The following DGLUCY variants were observed in gnomAD, a reference collection of about 807,000 sequenced individuals.
DGLUCY encodes D-glutamate cyclase.
A neutral mutation model predicts 58.5 loss-of-function variants in DGLUCY; 58 were observed. The ratio of observed to expected loss-of-function variants is 0.99; its 90% confidence interval spans 0.80 to 1.23. The LOEUF (loss-of-function observed/expected upper bound fraction) is 1.23. Ranked by LOEUF, DGLUCY falls within the 50% of genes most tolerant of loss-of-function variation. The pLI is 0.00. For synonymous variants in DGLUCY, 325 were observed against 314.1 expected, an observed-to-expected ratio of 1.03 and a Z score of -0.37; for missense variants, 779 against 784.7, an observed-to-expected ratio of 0.99 and a Z score of 0.09.
At chr14:91,136,412 AT>A (rs1221967919) in intron 1 of DGLUCY, among the ~76,000 whole-genome samples, 1 of 152,028 alleles carries the variant, frequency 6.6e-6, no homozygotes, top group Non-Finnish European at 1.5e-5. Context: ...GCCAGGCGCT[AT>A]GGCTCACACC....
chr14:91,070,334 C>T (rs2043894647), intron 1 of DGLUCY, among the ~76,000 whole-genome samples: 1 of 152,126 alleles, frequency 6.6e-6, no homozygotes. Context: ...GGCCTTGGCA[C>T]CTCCTGAGAG....
intron 11 of DGLUCY, among the ~76,000 whole-genome samples, chr14:91,203,894 C>T (rs1184372852): frequency 6.6e-6 from 1 of 152,138 alleles, no homozygotes; most frequent in Non-Finnish European, 1.5e-5. Context: ...CCAGACTGGT[C>T]TCGAACTCCT....
chr14:91,115,493 A>G (rs2044874268), intron 1 of DGLUCY, among the ~76,000 whole-genome samples: 1 of 151,976 alleles, frequency 6.6e-6, no homozygotes. Context: ...GTGTGATCTC[A>G]GCTCACTGCA....
intron 5 of DGLUCY, among the ~76,000 whole-genome samples, chr14:91,173,015 G>A (rs1334757324): frequency 6.6e-6 from 1 of 152,116 alleles, no homozygotes; most frequent in Non-Finnish European, 1.5e-5. Flanking sequence ...GCATTTTCTT[G>A]TATGCAGTTA....
chr14:91,103,225 C>T (rs2044525149), upstream of DGLUCY, among the ~76,000 whole-genome samples: 1 of 152,180 alleles, frequency 6.6e-6, no homozygotes, highest in Non-Finnish European at 1.5e-5. Flanking sequence ...CTCCATGCTG[C>T]TCCCAGAGCA....
In DGLUCY at chr14:91,196,462, C is replaced by T. The variant is rs367665781; in HGVS notation, c.1283C>T (p.Pro428Leu). Reference sequence around the variant, plus strand: ...GCATTCCTGTGCAAAAATGGGGACCCGCAGACACCTAGGTACGTATGTCGC... The same window carrying T: ...GCATTCCTGTGCAAAAATGGGGACCTGCAGACACCTAGGTACGTATGTCGC... ...AQAFLCKNGD[P>L]QTPRFDHLVA... The change falls in exon 10 of 14, where the codon CCG becomes CTG. Residue 428 changes from proline (P) to leucine (L), a missense_variant. By Grantham distance (98) the Pro-to-Leu change is moderately conservative. Coordinates refer to ENST00000256324, the MANE Select transcript of DGLUCY (RefSeq NM_001102368.3). 8.7e-6 allele frequency: 14 copies of T among 1,613,786 alleles called. No homozygotes were observed. Among genetic ancestry groups the T allele is most frequent in the African/African-American group, 4.0e-5 (3 of 74,898 alleles).
chr14:91,138,745 A>G (rs1391335132), intron 1 of DGLUCY, among the ~76,000 whole-genome samples: 1 of 152,132 alleles, frequency 6.6e-6, no homozygotes, highest in African/African-American at 2.4e-5. Flanking sequence ...AACTACCCCC[A>G]TGGCCCAGTC....
At chr14:91,127,053 C>CTT (rs11407228) in intron 1 of DGLUCY, among the ~76,000 whole-genome samples, 14,293 of 98,178 alleles carry the variant, frequency 0.15, 1,679 homozygotes, top group Admixed American at 0.17. Context: ...TGATGATACT[C>CTT]TTTTTTTTTT....
chr14:91,097,968 T>A (rs1284751401), intron 1 of DGLUCY, among the ~76,000 whole-genome samples: 1 of 152,132 alleles, frequency 6.6e-6, no homozygotes, highest in Non-Finnish European at 1.5e-5. Flanking sequence ...GAGAAAAAAA[T>A]CCTAGTTTGT....
intron 12 of DGLUCY, among the ~76,000 whole-genome samples, chr14:91,212,383 CTG>C (rs1885824196): frequency 6.6e-6 from 1 of 152,154 alleles, no homozygotes; most frequent in East Asian, 1.9e-4. Context: ...AGTGGCATCT[CTG>C]TGTCTGTTTC....
At chr14:91,086,049 G>A (rs1039352050) in intron 1 of DGLUCY, among the ~76,000 whole-genome samples, 6 of 152,148 alleles carry the variant, frequency 3.9e-5, no homozygotes, top group African/African-American at 7.2e-5. Flanking sequence ...GGTGGCATTC[G>A]ATTCTCAGGG....
chr14:91,209,930 G>T (rs1474827582), intron 12 of DGLUCY, among the ~76,000 whole-genome samples: 2 of 152,150 alleles, frequency 1.3e-5, no homozygotes, highest in Non-Finnish European at 2.9e-5. Flanking sequence ...TCAGAACAGG[G>T]AAAGTTATCA....
intron 1 of DGLUCY, among the ~76,000 whole-genome samples, chr14:91,122,602 GTTTTTTTT>G (rs60627604): frequency 9.5e-6 from 1 of 104,816 alleles, no homozygotes; most frequent in Non-Finnish European, 1.8e-5. Context: ...AAAGAAAAAA[GTTTTTTTT>G]TTTTTTTTTT....
At chr14:91,136,805 A>G (rs984063787) in intron 1 of DGLUCY, among the ~76,000 whole-genome samples, 2 of 150,916 alleles carry the variant, frequency 1.3e-5, no homozygotes, top group Non-Finnish European at 2.9e-5. Context: ...TCCATCTCTA[A>G]CTAAAAATAC....
intron 13 of DGLUCY, among the ~76,000 whole-genome samples, chr14:91,221,026 G>T (rs1887398476): frequency 6.6e-6 from 1 of 152,246 alleles, no homozygotes; most frequent in Non-Finnish European, 1.5e-5. Context: ...GAACACAGCA[G>T]CTGGGCCTGT....
At chr14:91,081,326 C>T (rs570813678) in intron 1 of DGLUCY, among the ~76,000 whole-genome samples, 2 of 152,168 alleles carry the variant, frequency 1.3e-5, no homozygotes, top group South Asian at 2.1e-4. Context: ...CAAGAAAAAA[C>T]AGGAGGCACA....
intron 1 of DGLUCY, among the ~76,000 whole-genome samples, chr14:91,062,558 AATATAT>A (rs1157690131): frequency 1.7e-4 from 4 of 23,694 alleles, no homozygotes; most frequent in African/African-American, 7.8e-4. Context: ...AAAAAAAAAA[AATATAT>A]ATATATATAT....
At chr14:91,105,410 G>A (rs1428905036), upstream of DGLUCY, among the ~76,000 whole-genome samples, 1 of 152,170 alleles carries the variant, frequency 6.6e-6, no homozygotes, top group African/African-American at 2.4e-5. Context: ...ATCGAGACAG[G>A]TGTTTAATTC....
chr14:91,060,377 C>G, exon 1 of DGLUCY: 1 of 1,507,706 alleles, frequency 6.6e-7, no homozygotes, highest in Non-Finnish European at 8.9e-7. Context: ...TCTCCTCCGT[C>G]GCCGCCGTCC....
Sources: gnomAD v4.1 joint callset for allele counts (sites outside exome capture counted in the v4.1 genomes callset) on GRCh38, gnomAD v4.1.1 for gene constraint, MANE v1.5 for transcripts, NCBI Gene and HGNC (gene_info 2026-07-23, HGNC 2026-07-21) for gene names.